LAPTM4B: variants seen among roughly 807,000 people sequenced by gnomAD.
LAPTM4B encodes the protein lysosomal-associated transmembrane protein 4B.
In LAPTM4B, 26 loss-of-function variants were observed where a neutral mutation model predicts 28.5. The ratio of observed to expected loss-of-function variants is 0.91; its 90% CI spans 0.67 to 1.27. The LOEUF (loss-of-function observed/expected upper bound fraction) is 1.27, where lower values mean the gene tolerates loss of function less well. LAPTM4B is among the 50% of genes most tolerant of loss of function. The probability of loss-of-function intolerance (pLI) is 0.00; values close to 1 mark genes in which losing one functional copy is unlikely to be tolerated. For missense variants in LAPTM4B, 288 were observed against 285.8 expected, an observed-to-expected ratio of 1.01 and a Z score of -0.06; for synonymous variants, 109 against 106.4, an observed-to-expected ratio of 1.02 and a Z score of -0.15.
intron 6 of LAPTM4B, among the ~76,000 whole-genome samples, chr8:97,842,088 G>A (rs915531159): frequency 6.6e-6 from 1 of 152,082 alleles, no homozygotes; most frequent in Non-Finnish European, 1.5e-5. Flanking sequence ...AGTCTCTATC[G>A]CAAGTATTTG....
In LAPTM4B at chr8:97,776,044, C is replaced by A; in HGVS notation, c.35C>A (p.Ser12Tyr). 1 of 1,587,670 alleles carries A rather than the reference C, an allele frequency of 6.3e-7. No homozygotes were observed. Residue 12 changes from serine to tyrosine, a missense_variant, in exon 1 of 7, where the codon TCC (serine) becomes TAC (tyrosine). Coordinates refer to ENST00000521545, the MANE Select transcript of LAPTM4B (RefSeq NM_018407.6). ...GTCGCGCCCTGGACGCGGTTCTACT[C>A]CAACAGCTGCTGCTTGTGCTGCCAT... ...KMVAPWTRFYSNSCCLCCHVR... is the reference protein window; with the variant it reads ...KMVAPWTRFYYNSCCLCCHVR...
At chr8:97,796,192 C>G (rs573325652) in intron 1 of LAPTM4B, among the ~76,000 whole-genome samples, 1 of 152,194 alleles carries the variant, frequency 6.6e-6, no homozygotes, top group Admixed American at 6.5e-5. Context: ...CTACCTGCCT[C>G]GAGCTCCCAA....
At chr8:97,845,463 C>T (rs1047601087) in intron 6 of LAPTM4B, among the ~76,000 whole-genome samples, 2 of 151,824 alleles carry the variant, frequency 1.3e-5, no homozygotes, top group African/African-American at 4.8e-5. Flanking sequence ...TTCTATAAGA[C>T]ACTTCATCAG....
At position 97,824,587 on chromosome 8, in the gene LAPTM4B, T is replaced by C. The variant is rs1255066067; in HGVS notation, c.508-471T>C. On this transcript the variant is annotated intron_variant, in intron 5 of 6. Coordinates refer to ENST00000521545, the MANE Select transcript of LAPTM4B (RefSeq NM_018407.6). Reference sequence around the variant, plus strand: ...TTTTATTGACTGTGAGATAAATTTATATGCTATGAAATTTTTAAAAAAATC... The same window carrying C: ...TTTTATTGACTGTGAGATAAATTTACATGCTATGAAATTTTTAAAAAAATC... 2.0e-5 allele frequency among the ~76,000 whole-genome samples: 3 copies of C among 152,240 alleles called. No individual in the cohort carries two copies. The East Asian group carries it at 5.8e-4, about 29-fold the overall frequency.
intron 2 of LAPTM4B, among the ~76,000 whole-genome samples, chr8:97,807,069 C>T (rs1816766072): frequency 6.6e-6 from 1 of 152,126 alleles, no homozygotes. Flanking sequence ...TCTTTTTCTT[C>T]CCAGTCTCGG....
At chr8:97,804,272 C>A (rs7825014) in intron 1 of LAPTM4B, among the ~76,000 whole-genome samples, 67,508 of 151,938 alleles carry the variant, frequency 0.44, 15,481 homozygotes, top group East Asian at 0.58. Flanking sequence ...TCCTTGCTAC[C>A]CCAGCCCCAT....
chr8:97,805,447 A>C lies in LAPTM4B; in HGVS notation c.194A>C (p.Glu65Ala). 6.2e-7 allele frequency: 1 copy of C among 1,603,064 alleles called. No homozygotes were observed. The highest frequency in any genetic ancestry group is 8.5e-7 in the Non-Finnish European group (1 of 1,171,804). ...FSSSELGGDF[E>A]FMDDANMCIA... is the part of the protein sequence containing the mutation. ...AGTTCTGAACTGGGAGGTGACTTTG[A>C]GTTCATGGATGATGCCAGTAAGTAG... is the stretch of plus-strand genomic sequence containing the variant. Residue 65 changes from glutamate to alanine, a missense_variant, in exon 2 of 7, where the codon GAG (glutamate) becomes GCG (alanine). Physicochemically the swap from Glu to Ala is moderately radical, Grantham distance 107. Coordinates refer to ENST00000521545, the MANE Select transcript of LAPTM4B (RefSeq NM_018407.6).
intron 2 of LAPTM4B, among the ~76,000 whole-genome samples, chr8:97,808,957 T>C (rs966177471): frequency 6.6e-6 from 1 of 150,550 alleles, no homozygotes; most frequent in African/African-American, 2.4e-5. Context: ...CAAGACTGCA[T>C]CTCAGAAAGA....
rs952557610 is a variant in LAPTM4B at position 97,836,938 on chromosome 8, GA to G, written c.603+11794del. ...TGGTTTCAGAAAATAAGTATAAAGA[GA>G]AAAAAAAATATATATATATAACATA... is the stretch of plus-strand genomic sequence containing the variant. On this transcript the variant is annotated intron_variant, in intron 6 of 6. Coordinates refer to ENST00000521545, the MANE Select transcript of LAPTM4B (RefSeq NM_018407.6). Among the ~76,000 whole-genome samples the G allele has an allele frequency of 2.2e-3, 336 of 150,624 alleles. 1 individual carries two copies. The highest frequency in any genetic ancestry group is 0.021 in the South Asian group (101 of 4,786).
chr8:97,819,496 T>C (rs901456721), intron 5 of LAPTM4B, among the ~76,000 whole-genome samples: 1 of 152,194 alleles, frequency 6.6e-6, no homozygotes, highest in Non-Finnish European at 1.5e-5. Context: ...TAGTATATGA[T>C]ATTGCAACGT....
intron 1 of LAPTM4B, among the ~76,000 whole-genome samples, chr8:97,795,731 T>C (rs557849925): frequency 3.3e-5 from 5 of 150,926 alleles, no homozygotes; most frequent in Non-Finnish European, 1.5e-5. Context: ...CACTTGCCTG[T>C]AGTCCCAGCT....
chr8:97,838,949 G>C (rs1817302872), intron 6 of LAPTM4B, among the ~76,000 whole-genome samples: 1 of 152,144 alleles, frequency 6.6e-6, no homozygotes, highest in Non-Finnish European at 1.5e-5. Flanking sequence ...ACACAGTCCT[G>C]CTTCCCATAC....
At chr8:97,814,028 A>G (rs1642164779) in intron 2 of LAPTM4B, among the ~76,000 whole-genome samples, 1 of 152,216 alleles carries the variant, frequency 6.6e-6, no homozygotes. Context: ...TAATGGTGCT[A>G]CAAGCAGTTG....
intron 2 of LAPTM4B, among the ~76,000 whole-genome samples, chr8:97,809,471 G>T (rs1816796823): frequency 6.6e-6 from 1 of 152,166 alleles, no homozygotes; most frequent in Admixed American, 6.5e-5. Context: ...AGGCCAAAGT[G>T]GGTGGATTGC....
chr8:97,843,183 A>ACG (rs2129850590), intron 6 of LAPTM4B, among the ~76,000 whole-genome samples: 1 of 152,328 alleles, frequency 6.6e-6, no homozygotes, highest in South Asian at 2.1e-4. Context: ...GCCCGCCCTT[A>ACG]CGTAATATCT....
Position 97,816,185 on chromosome 8 carries a change from G to C in LAPTM4B, c.408+5G>C, listed in dbSNP as rs879531308. The C allele has an allele frequency of 1.3e-6, 2 of 1,577,480 alleles. No homozygotes were observed. The highest frequency in any genetic ancestry group is 3.5e-5 in the Admixed American group (2 of 57,894). ...CAGGAATACATACGGCAACTGGTAC[G>C]TGGACCTCTTACTGCTCCTTTTCAT... On this transcript the variant is annotated splice_donor_5th_base_variant and intron_variant, in intron 4 of 6. Transcript: ENST00000521545.
chr8:97,834,455 A>T (rs2449541), intron 6 of LAPTM4B, among the ~76,000 whole-genome samples: 71,537 of 152,014 alleles, frequency 0.47, 17,111 homozygotes, highest in East Asian at 0.58. Flanking sequence ...GCTGATATAT[A>T]ATAGTTAATA....
intron 6 of LAPTM4B, among the ~76,000 whole-genome samples, chr8:97,833,533 T>C (rs1817216625): frequency 6.6e-6 from 1 of 152,212 alleles, no homozygotes; most frequent in Admixed American, 6.5e-5. Context: ...AAACAGGATA[T>C]ATGGGTCAAT....
chr8:97,840,092 G>C (rs985158164), intron 6 of LAPTM4B, among the ~76,000 whole-genome samples: 2 of 152,216 alleles, frequency 1.3e-5, no homozygotes, highest in East Asian at 1.9e-4. Flanking sequence ...GCACATTCAG[G>C]CTTCAGGAAC....
Sources: allele counts gnomAD v4.1 joint callset (sites outside exome capture counted in the v4.1 genomes callset), GRCh38; gene constraint gnomAD v4.1.1; transcripts MANE v1.5; gene names NCBI Gene and HGNC (gene_info 2026-07-23, HGNC 2026-07-21).